The following HPSE2 variants were observed in gnomAD, a reference collection of about 807,000 sequenced individuals.
The protein encoded by HPSE2 is heparanase 2 (inactive).
Under a neutral mutation model 60.5 loss-of-function variants are expected in HPSE2, and 38 were observed. The observed-to-expected ratio is 0.63, with a 90% CI of 0.48 to 0.82. The LOEUF is 0.82. Among genes scored for constraint, HPSE2 ranks in the 40% least tolerant of loss-of-function variants. HPSE2 has a pLI of 0.00. For synonymous variants in HPSE2, 295 were observed against 293.2 expected, an observed-to-expected ratio of 1.01 and a Z score of -0.06; for missense variants, 713 against 740.4, an observed-to-expected ratio of 0.96 and a Z score of 0.43.
At chr10:98,824,042 A>G (rs1216957032) in intron 3 of HPSE2, among the ~76,000 whole-genome samples, 1 of 152,232 alleles carries the variant, frequency 6.6e-6, no homozygotes, top group Non-Finnish European at 1.5e-5. Flanking sequence ...TTAAAAGATA[A>G]CTAGAAATTA....
chr10:98,580,470 T>G (rs1344698616), intron 9 of HPSE2, among the ~76,000 whole-genome samples: 1 of 152,138 alleles, frequency 6.6e-6, no homozygotes, highest in Non-Finnish European at 1.5e-5. Flanking sequence ...GTTCTGTATT[T>G]GGGGACTTTT....
the HPSE2 span, among the ~76,000 whole-genome samples, chr10:99,287,646 T>A: frequency 8.5e-4 from 130 of 152,276 alleles, no homozygotes; most frequent in African/African-American, 3.0e-3. Context: ...ACCTCCAGGA[T>A]TATCACACCA....
At chr10:98,931,952 TC>T (rs1167709091) in intron 3 of HPSE2, among the ~76,000 whole-genome samples, 1 of 143,704 alleles carries the variant, frequency 7.0e-6, no homozygotes, top group Non-Finnish European at 1.5e-5. Flanking sequence ...ATTTGAAATT[TC>T]CTTTATTTAT....
At chr10:98,552,808 A>G (rs1943900524) in intron 9 of HPSE2, among the ~76,000 whole-genome samples, 1 of 152,054 alleles carries the variant, frequency 6.6e-6, no homozygotes, top group Non-Finnish European at 1.5e-5. Context: ...GAGAAGTATG[A>G]TCTCTCTTCT....
intron 3 of HPSE2, among the ~76,000 whole-genome samples, chr10:98,876,681 T>C (rs953078553): frequency 6.6e-6 from 1 of 151,870 alleles, no homozygotes; most frequent in African/African-American, 2.4e-5. Context: ...CAACTGTACA[T>C]TAATATTCAA....
At chr10:98,772,758 G>T (rs898153920) in intron 3 of HPSE2, among the ~76,000 whole-genome samples, 3 of 152,144 alleles carry the variant, frequency 2.0e-5, no homozygotes, top group Non-Finnish European at 4.4e-5. Context: ...TAAGGAGAAA[G>T]ATTTTATTCC....
chr10:98,560,695 T>C (rs550320203), intron 9 of HPSE2, among the ~76,000 whole-genome samples: 248 of 152,350 alleles, frequency 1.6e-3, no homozygotes, highest in African/African-American at 5.5e-3. Flanking sequence ...ATGCACTGCA[T>C]AAAGATGTTT....
chr10:99,020,170 A>G (rs1234640217), intron 3 of HPSE2, among the ~76,000 whole-genome samples: 1 of 152,212 alleles, frequency 6.6e-6, no homozygotes, highest in Non-Finnish European at 1.5e-5. Flanking sequence ...CACTTACTCT[A>G]CATCAGGCAT....
intron 3 of HPSE2, among the ~76,000 whole-genome samples, chr10:99,026,766 A>T (rs1389155938): frequency 6.6e-6 from 1 of 152,240 alleles, no homozygotes; most frequent in Non-Finnish European, 1.5e-5. Flanking sequence ...AATAGTATCA[A>T]GTATCTTCCC....
chr10:98,631,478 C>G (rs1379206790), intron 7 of HPSE2, among the ~76,000 whole-genome samples: 1 of 152,168 alleles, frequency 6.6e-6, no homozygotes, highest in Non-Finnish European at 1.5e-5. Flanking sequence ...TTTTCTGTGA[C>G]TAACCAACCC....
the HPSE2 span, among the ~76,000 whole-genome samples, chr10:99,244,159 A>C: frequency 6.0e-5 from 9 of 151,118 alleles, 1 homozygote; most frequent in South Asian, 1.9e-3. Context: ...CTGGGACTAC[A>C]AGCGCCCGCC....
At chr10:98,875,907 A>T (rs1027392211) in intron 3 of HPSE2, among the ~76,000 whole-genome samples, 1 of 151,982 alleles carries the variant, frequency 6.6e-6, no homozygotes, top group African/African-American at 2.4e-5. Flanking sequence ...TTTACAGAGT[A>T]ATATACTACA....
chr10:99,180,467 A>T (rs1252934681), intron 2 of HPSE2, among the ~76,000 whole-genome samples: 1 of 152,238 alleles, frequency 6.6e-6, no homozygotes, highest in Non-Finnish European at 1.5e-5. Flanking sequence ...ACTTCTCAAA[A>T]GAAGACATTT....
chr10:98,901,563 T>C (rs1953667149), intron 3 of HPSE2, among the ~76,000 whole-genome samples: 1 of 152,196 alleles, frequency 6.6e-6, no homozygotes, highest in South Asian at 2.1e-4. Context: ...AATCTTTCCA[T>C]GCTGAGTCTA....
chr10:98,577,462 A>G (rs1318593703), intron 9 of HPSE2, among the ~76,000 whole-genome samples: 1 of 152,120 alleles, frequency 6.6e-6, no homozygotes, highest in Non-Finnish European at 1.5e-5. Context: ...CACTAGTCCT[A>G]TATTATTATA....
chr10:98,965,482 A>T (rs1222522310), intron 3 of HPSE2, among the ~76,000 whole-genome samples: 1 of 152,054 alleles, frequency 6.6e-6, no homozygotes, highest in Non-Finnish European at 1.5e-5. Context: ...GTAGGCATTC[A>T]ATCAGTCTGA....
intron 3 of HPSE2, among the ~76,000 whole-genome samples, chr10:99,094,397 A>G (rs1843626297): frequency 6.6e-6 from 1 of 150,560 alleles, no homozygotes; most frequent in Non-Finnish European, 1.5e-5. Flanking sequence ...ATGTGTATAC[A>G]CACATATACA....
intron 3 of HPSE2, chr10:99,013,676 T>TGGCTG: frequency 4.8e-6 from 1 of 207,544 alleles, no homozygotes; most frequent in Non-Finnish European, 9.8e-6. Flanking sequence ...TTCACCATGT[T>TGGCTG]GGCTGGGCTG....
At chr10:99,149,184 C>T (rs558733760) in intron 2 of HPSE2, among the ~76,000 whole-genome samples, 27 of 152,160 alleles carry the variant, frequency 1.8e-4, no homozygotes, top group African/African-American at 6.3e-4. Flanking sequence ...AGAACCAAAC[C>T]TGTTCAGTTC....
Sources: allele counts gnomAD v4.1 joint callset (sites outside exome capture counted in the v4.1 genomes callset), GRCh38; gene constraint gnomAD v4.1.1; transcripts MANE v1.5; gene names NCBI Gene and HGNC (gene_info 2026-07-23, HGNC 2026-07-21).